Variants in MAF observed in about 807,000 individuals in gnomAD.
MAF encodes the protein transcription factor Maf.
MAF carries 10 observed loss-of-function variants against 22.0 expected under a neutral mutation model. The observed-to-expected ratio is 0.45, with a 90% confidence interval of 0.28 to 0.77. The LOEUF is 0.77. Ranked by LOEUF, MAF falls within the 30% of genes least tolerant of loss-of-function variation. The pLI is 0.12. For missense variants in MAF, 544 were observed against 548.4 expected, an observed-to-expected ratio of 0.99 and a Z score of 0.08; for synonymous variants, 337 against 255.8, an observed-to-expected ratio of 1.32 and a Z score of -3.03.
chr16:79,335,340 C>T, the MAF span, among the ~76,000 whole-genome samples: 5 of 152,100 alleles, frequency 3.3e-5, no homozygotes, highest in African/African-American at 4.8e-5. Context: ...GTGCTTACTT[C>T]CTCGTACTAT....
chr16:79,581,506 TTGTC>T (rs1192663131), downstream of MAF, among the ~76,000 whole-genome samples: 1 of 151,494 alleles, frequency 6.6e-6, no homozygotes, highest in Non-Finnish European at 1.5e-5. Flanking sequence ...AAAAGAAACT[TTGTC>T]TGTGGAACCC....
chr16:79,302,924 G>A, the MAF span, among the ~76,000 whole-genome samples: 1 of 152,140 alleles, frequency 6.6e-6, no homozygotes, highest in Admixed American at 6.5e-5. Context: ...GGTACCATTC[G>A]GCACTGTCAG....
chr16:79,242,154 G>A, the MAF span, among the ~76,000 whole-genome samples: 2 of 151,776 alleles, frequency 1.3e-5, no homozygotes, highest in South Asian at 4.2e-4. Flanking sequence ...TAACCACCTA[G>A]CATCATAATG....
chr16:79,404,081 T>C, the MAF span, among the ~76,000 whole-genome samples: 1 of 152,172 alleles, frequency 6.6e-6, no homozygotes, highest in Non-Finnish European at 1.5e-5. Flanking sequence ...CACCTTGATC[T>C]GTTTCCATTT....
At chr16:79,309,800 G>A in the MAF span, among the ~76,000 whole-genome samples, 4 of 152,160 alleles carry the variant, frequency 2.6e-5, no homozygotes, top group Admixed American at 2.0e-4. Context: ...AAAACCGGAA[G>A]AGCAAATTGA....
the MAF span, chr16:79,211,530 G>C: frequency 6.3e-7 from 1 of 1,585,814 alleles, no homozygotes; most frequent in Middle Eastern, 2.1e-4. Context: ...GCCTGCTAAT[G>C]CCCAGGCAGT....
chr16:79,372,426 C>T, the MAF span, among the ~76,000 whole-genome samples: 1 of 152,142 alleles, frequency 6.6e-6, no homozygotes, highest in African/African-American at 2.4e-5. Context: ...TATGTCTGCT[C>T]AGAGACCAGC....
At chr16:79,489,979 G>A in the MAF span, among the ~76,000 whole-genome samples, 1 of 152,164 alleles carries the variant, frequency 6.6e-6, no homozygotes, top group African/African-American at 2.4e-5. Context: ...AGAGCATAAG[G>A]TAGATGGAAA....
chr16:79,506,895 A>C, the MAF span, among the ~76,000 whole-genome samples: 1 of 152,212 alleles, frequency 6.6e-6, no homozygotes, highest in Non-Finnish European at 1.5e-5. Flanking sequence ...ATGGACAAAA[A>C]TAAAGGGTTG....
chr16:79,342,448 C>A, the MAF span, among the ~76,000 whole-genome samples: 1 of 152,192 alleles, frequency 6.6e-6, no homozygotes, highest in African/African-American at 2.4e-5. Context: ...CCAAAACTTT[C>A]TGAGCCTTTT....
chr16:79,213,012 G>A, the MAF span: 3 of 126,860 alleles, frequency 2.4e-5, no homozygotes, highest in African/African-American at 8.8e-5. Flanking sequence ...CTGCTCCCCT[G>A]CAATTAGCAA....
intron 1 of MAF, chr16:79,597,365 A>C: frequency 9.6e-7 from 1 of 1,036,970 alleles, no homozygotes; most frequent in Non-Finnish European, 1.2e-6. Flanking sequence ...CAAAAAATAT[A>C]AAATAAAAAT....
At chr16:79,274,292 A>G in the MAF span, among the ~76,000 whole-genome samples, 1 of 151,754 alleles carries the variant, frequency 6.6e-6, no homozygotes, top group South Asian at 2.1e-4. Context: ...AGAACAAACA[A>G]TAAAGCTGTG....
At chr16:79,519,490 C>A in the MAF span, among the ~76,000 whole-genome samples, 1 of 152,170 alleles carries the variant, frequency 6.6e-6, no homozygotes, top group Non-Finnish European at 1.5e-5. Flanking sequence ...CCCTTAGTTT[C>A]CACCTTCAAG....
chr16:79,595,299 T>G, intron 1 of MAF: 12 of 1,049,176 alleles, frequency 1.1e-5, no homozygotes, highest in Non-Finnish European at 1.4e-5. Context: ...ACTGTCTTCG[T>G]GTTTTGTAAA....
chr16:79,389,274 A>G, the MAF span, among the ~76,000 whole-genome samples: 2 of 152,090 alleles, frequency 1.3e-5, no homozygotes, highest in Non-Finnish European at 2.9e-5. Context: ...TTTATTAATT[A>G]TTTATGAGAC....
At chr16:79,263,244 T>A in the MAF span, among the ~76,000 whole-genome samples, 1 of 152,196 alleles carries the variant, frequency 6.6e-6, no homozygotes, top group African/African-American at 2.4e-5. Flanking sequence ...TTTGGCCAAG[T>A]CATTGCAACT....
the MAF span, among the ~76,000 whole-genome samples, chr16:79,562,232 T>C: frequency 6.6e-6 from 1 of 152,210 alleles, no homozygotes; most frequent in Non-Finnish European, 1.5e-5. Flanking sequence ...CTTGGCATAA[T>C]TGTAATGAAT....
the MAF span, among the ~76,000 whole-genome samples, chr16:79,462,431 G>A: frequency 2.0e-5 from 3 of 152,124 alleles, no homozygotes; most frequent in Non-Finnish European, 4.4e-5. Context: ...GAGTTTAGAA[G>A]TGCTCCCCAT....
Sources: allele counts gnomAD v4.1 joint callset (sites outside exome capture counted in the v4.1 genomes callset), GRCh38; gene constraint gnomAD v4.1.1; transcripts MANE v1.5; gene names NCBI Gene and HGNC (gene_info 2026-07-23, HGNC 2026-07-21).